The following ATG2A variants were observed in gnomAD, a reference collection of about 807,000 sequenced individuals.
ATG2A encodes the protein autophagy related 2A.
A neutral mutation model predicts 214.2 loss-of-function variants in ATG2A; 103 were observed. The observed-to-expected ratio is 0.48, with a 90% CI of 0.41 to 0.57. The LOEUF is 0.57. Ranked by LOEUF, ATG2A falls within the 20% of genes least tolerant of loss-of-function variation. The probability of loss-of-function intolerance (pLI) is 0.00; values close to 1 mark genes in which losing one functional copy is unlikely to be tolerated. For synonymous variants in ATG2A, 1,160 were observed against 1,142.1 expected (o/e 1.02, Z -0.32); for missense variants, 2,312 against 2,613.2 (o/e 0.88, Z 2.51).
chr11:64,916,893 C>G (rs943938502), intron 1 of ATG2A, 72 bp downstream of exon 1: 1 of 1,580,042 alleles, frequency 6.3e-7, no homozygotes, highest in African/African-American at 1.3e-5. Flanking sequence ...CAGCCCGATC[C>G]TGCCGCAGGG....
intron 23 of ATG2A, 35 bp downstream of exon 23, chr11:64,905,707 C>T: frequency 6.2e-7 from 1 of 1,613,668 alleles, no homozygotes; most frequent in Non-Finnish European, 8.5e-7. Flanking sequence ...AGAGCCCATC[C>T]CCGTCCCCAG....
rs1186559193 is a variant in ATG2A, at chr11:64,905,736, T to C, written c.3371+6A>G. On this transcript the variant is annotated splice_donor_region_variant and intron_variant, in intron 23 of 40. Transcript: ENST00000377264. Reference sequence around the variant, plus strand: ...TCCCCAGCCCCTGGCCCACCCAGCCTGGTACCTATAGTCCACAGAGCAGGA... The same window carrying C: ...TCCCCAGCCCCTGGCCCACCCAGCCCGGTACCTATAGTCCACAGAGCAGGA... 6 of 1,613,264 alleles carry C rather than the reference T, an allele frequency of 3.7e-6. No individual in the cohort carries two copies. The highest frequency in any genetic ancestry group is 5.1e-6 in the Non-Finnish European group (6 of 1,179,622).
At position 64,911,262 on chromosome 11, in the gene ATG2A, G is replaced by T. The variant is rs138182759; in HGVS notation, c.1242C>A (p.Pro414=). ...GGCGCATGGTGTCCAGGAGGGGGTT[G>T]GGGGCCATCTTGCCTGAGGGGACAG... The part of the protein sequence containing the change: ...AQAHPAGKMA[P]NPLLDTMRPD... Residue 414 remains proline, a synonymous_variant, in exon 10 of 41, where the codon CCC becomes CCA. Transcript: ENST00000377264. The T allele has an allele frequency of 1.2e-6, 2 of 1,613,588 alleles. No homozygotes were observed. Among genetic ancestry groups the T allele is most frequent in the African/African-American group, 1.3e-5 (1 of 74,934 alleles).
chr11:64,910,832 C>T lies in ATG2A; in HGVS notation c.1589G>A (p.Gly530Asp). 2 of 1,609,248 alleles carry T rather than the reference C, an allele frequency of 1.2e-6. No individual in the cohort carries two copies. The highest frequency in any genetic ancestry group is 1.7e-6 in the Non-Finnish European group (2 of 1,178,252). Residue 530 changes from glycine to aspartate, a missense_variant, in exon 11 of 41, where the codon GGC becomes GAC. Transcript: ENST00000377264. ...LEVLECLWPR[G>D]TSEPEYTEIL... Reference sequence around the variant, plus strand: ...CTCCGTGTACTCAGGCTCAGAGGTGCCCCGGGGCCACAGACACTCCAGCAC... The same window carrying T: ...CTCCGTGTACTCAGGCTCAGAGGTGTCCCGGGGCCACAGACACTCCAGCAC...
In ATG2A at chr11:64,906,346, G is replaced by A. The variant is rs755636951; in HGVS notation, c.3171C>T (p.His1057=). ...STAVRIHLDP[H]KNVKEFLVTL... is the part of the protein sequence containing the mutation. Reference sequence around the variant, plus strand: ...GGCAAGCCCATACCTTCACATTCTTGTGGGGGTCCAGGTGGATGCGCACAG... The same window carrying A: ...GGCAAGCCCATACCTTCACATTCTTATGGGGGTCCAGGTGGATGCGCACAG... The change falls in exon 21 of 41, where the codon CAC becomes CAT. Residue 1057 remains histidine (H), a synonymous_variant. Transcript: ENST00000377264. The A allele has an allele frequency of 2.5e-6, 4 of 1,613,028 alleles. No individual in the cohort carries two copies. The highest frequency in any genetic ancestry group is 2.7e-5 in the African/African-American group (2 of 74,936).
rs2136537129 is a variant in ATG2A, at chr11:64,896,803, G to C, written c.5217C>G (p.Asn1739Lys). Residue 1739 changes from asparagine (N) to lysine (K), a missense_variant, in exon 38 of 41, where the codon AAC becomes AAG. By Grantham distance (94) the Asn-to-Lys change is moderately conservative. Transcript: ENST00000377264. ...CGCCTCCCAGCAGGCCGGGCAGCTG[G>C]TTCTTGCGGATGTCCTGCAGCCACT... ...LNEWLQDIRK[N>K]QLPGLLGGVG... The C allele has an allele frequency of 1.2e-6, 2 of 1,614,164 alleles. No individual in the cohort carries two copies. The highest frequency in any genetic ancestry group is 2.2e-5 in the East Asian group (1 of 44,884).
chr11:64,895,260 G>A lies in ATG2A; in HGVS notation c.5580+30C>T. On this transcript the variant is annotated intron_variant, in intron 40 of 40. Coordinates refer to ENST00000377264, the MANE Select transcript of ATG2A (RefSeq NM_015104.3). This position sits in a 1 kb window ranked among gnomAD's most constrained non-coding sequence, Gnocchi z 5.0. ...GGTCTGTGTGAGGAGATGGGCATGGGGGACTGGGGCAGGGCGGGGGCCTGG... is the reference window on the plus strand; with the variant it reads ...GGTCTGTGTGAGGAGATGGGCATGGAGGACTGGGGCAGGGCGGGGGCCTGG... The A allele has an allele frequency of 6.2e-7, 1 of 1,613,196 alleles. No individual in the cohort carries two copies. The highest frequency in any genetic ancestry group is 8.5e-7 in the Non-Finnish European group (1 of 1,179,872).
chr11:64,896,322 T>C lies in ATG2A; in HGVS notation c.5427+140A>G, dbSNP rs113428512. 4.2e-3 allele frequency: 5,372 copies of C among 1,281,142 alleles called. 157 individuals carry two copies. In the African/African-American group the frequency reaches 0.069, roughly 16 times the overall value. 79.4% of individuals were successfully genotyped at this position (1,281,142 alleles called of 1,614,324 possible). On this transcript the variant is annotated intron_variant, in intron 39 of 40. Transcript: ENST00000377264. Reference sequence around the variant, plus strand: ...CCAGGCAAGTCACTTAGCCTCTCCGTGGCTGTTTCTCTATAAAGTAGGGCT... The same window carrying C: ...CCAGGCAAGTCACTTAGCCTCTCCGCGGCTGTTTCTCTATAAAGTAGGGCT...
At chr11:64,902,829 A>T in intron 26 of ATG2A, 149 bp from the exon 27 acceptor site, 1 of 676,258 alleles carries the variant, frequency 1.5e-6, no homozygotes, top group Non-Finnish European at 2.5e-6. Flanking sequence ...CCTGCCCAGT[A>T]ACTCCACTGA....
chr11:64,911,878 C>G lies in ATG2A; in HGVS notation c.1192G>C (p.Ala398Pro), dbSNP rs748503026. ...DLASSVRSDM[A>P]SRRLSAQAHP... Reference sequence around the variant, plus strand: ...GCCTGGGCAGAGAGCCGGCGGGAGGCCATGTCGCTGCGCACAGAGGAGGCC... The same window carrying G: ...GCCTGGGCAGAGAGCCGGCGGGAGGGCATGTCGCTGCGCACAGAGGAGGCC... Residue 398 changes from alanine (A) to proline (P), a missense_variant, in exon 9 of 41, where the codon GCC becomes CCC. Coordinates refer to ENST00000377264, the MANE Select transcript of ATG2A (RefSeq NM_015104.3). The G allele has an allele frequency of 1.9e-6, 3 of 1,613,368 alleles. No homozygotes were observed. In the South Asian group the frequency reaches 3.3e-5, roughly 18 times the overall value.
At chr11:64,896,097 G>A (rs1944138711) in intron 39 of ATG2A, among the ~76,000 whole-genome samples, 1 of 152,190 alleles carries the variant, frequency 6.6e-6, no homozygotes, top group African/African-American at 2.4e-5. Context: ...GGGTCCTTCT[G>A]GCCTAGCGAA....
chr11:64,897,282 T>C, intron 37 of ATG2A, 130 bp downstream of exon 37: 1 of 1,115,484 alleles, frequency 9.0e-7, no homozygotes, highest in Non-Finnish European at 1.3e-6. Flanking sequence ...GCCAACTGCG[T>C]CCTTTTTACA....
rs1226112001 is a variant in ATG2A at position 64,898,192 on chromosome 11, G to A, written c.4774-22C>T. On this transcript the variant is annotated intron_variant, in intron 33 of 40. Transcript: ENST00000377264. The surrounding 1 kb of genome is among the most constrained non-coding windows in gnomAD (Gnocchi z 4.5). ...CATCCTGCAAGGGAGAGGTCCAGAT[G>A]TGGATCAGACTCAGAGGCCTGGAGA... The A allele has an allele frequency of 6.2e-7, 1 of 1,613,922 alleles. No homozygotes were observed. The highest frequency in any genetic ancestry group is 1.7e-5 in the Admixed American group (1 of 60,020).
At chr11:64,909,428 A>T in intron 14 of ATG2A, 61 bp from the exon 15 acceptor site, 1 of 1,548,082 alleles carries the variant, frequency 6.5e-7, no homozygotes, top group South Asian at 1.1e-5. Flanking sequence ...TTCTTCCCCA[A>T]TGCCCAGGTC....
At chr11:64,912,989 A>G (rs765892479) in intron 6 of ATG2A, 49 bp downstream of exon 6, 5 of 1,297,216 alleles carry the variant, frequency 3.9e-6, no homozygotes, top group Non-Finnish European at 4.2e-6. Context: ...GAGGAGGAGG[A>G]GTCTTGAGAT....
rs528680469 is a variant in ATG2A, at chr11:64,895,886, G to C, written c.5428-444C>G. The stretch of plus-strand genomic sequence containing the variant: ...TGGCATCACTCTTTCCCACCTGACT[G>C]AACACTCCCGGGGGCTCCCTGGTGC... On this transcript the variant is annotated intron_variant, in intron 39 of 40. Transcript: ENST00000377264. The surrounding 1 kb of genome is among the most constrained non-coding windows in gnomAD (Gnocchi z 5.0). Among the ~76,000 whole-genome samples, 4 of 152,216 alleles carry C rather than the reference G, an allele frequency of 2.6e-5. No homozygotes were observed. In the East Asian group the frequency reaches 7.7e-4, roughly 29 times the overall value.
intron 20 of ATG2A, 38 bp downstream of exon 20, chr11:64,906,627 C>A: frequency 6.2e-7 from 1 of 1,611,514 alleles, no homozygotes; most frequent in Non-Finnish European, 8.5e-7. Context: ...CACCCCCAAC[C>A]CTGGACCCCA....
chr11:64,911,865 A>G lies in ATG2A; in HGVS notation c.1205T>C (p.Leu402Pro). Residue 402 changes from leucine to proline, a missense_variant, in exon 9 of 41, where the codon CTC (leucine) becomes CCC (proline). Leu to Pro is a moderately conservative substitution (Grantham distance 98). Transcript: ENST00000377264. ...SVRSDMASRR[L>P]SAQAHPAGKM... ...ACCAGCTGGGTGGGCCTGGGCAGAG[A>G]GCCGGCGGGAGGCCATGTCGCTGCG... 9.9e-6 allele frequency: 16 copies of G among 1,613,104 alleles called. No individual in the cohort carries two copies. The highest frequency in any genetic ancestry group is 1.4e-5 in the Non-Finnish European group (16 of 1,179,920).
chr11:64,912,935 G>C (rs594820), intron 6 of ATG2A, 103 bp downstream of exon 6: 846,340 of 847,844 alleles, frequency 1, 422,442 homozygotes, highest in East Asian at 1. Flanking sequence ...AGTAAATCCC[G>C]CACTTGACAT....
Sources: gnomAD v4.1 joint callset for allele counts (sites outside exome capture counted in the v4.1 genomes callset) on GRCh38, gnomAD v4.1.1 for gene constraint, Gnocchi (gnomAD v3.1) non-coding constraint, MANE v1.5 for transcripts, NCBI Gene and HGNC (gene_info 2026-07-23, HGNC 2026-07-21) for gene names.